The following RAPGEF1 variants were observed in gnomAD, a reference collection of about 807,000 sequenced individuals.
RAPGEF1 encodes the protein CRK SH3-binding GNRP.
Under a neutral mutation model 143.3 loss-of-function variants are expected in RAPGEF1, and 33 were observed. The ratio of observed to expected loss-of-function variants is 0.23; its 90% CI spans 0.17 to 0.31. The LOEUF is 0.31. Ranked by LOEUF, RAPGEF1 falls within the 10% of genes least tolerant of loss-of-function variation. RAPGEF1 has a pLI of 1.00. For missense variants in RAPGEF1, 1,199 were observed against 1,645.4 expected (o/e 0.73, Z 4.69); for synonymous variants, 629 against 676.5 (o/e 0.93, Z 1.09).
chr9:131,691,812 T>C (rs1833801479), intron 1 of RAPGEF1, among the ~76,000 whole-genome samples: 1 of 152,150 alleles, frequency 6.6e-6, no homozygotes, highest in African/African-American at 2.4e-5. Flanking sequence ...TAAATAACAA[T>C]TGTGGGTTTT....
At chr9:131,596,424 G>A (rs979755766) in intron 16 of RAPGEF1, 51 bp from the exon 17 acceptor site, 1 of 1,573,890 alleles carries the variant, frequency 6.4e-7, no homozygotes, top group African/African-American at 1.3e-5. Context: ...GCCCTTCAGA[G>A]AATCAGTTTA....
At chr9:131,661,730 A>C (rs908830580) in intron 1 of RAPGEF1, among the ~76,000 whole-genome samples, 2 of 152,228 alleles carry the variant, frequency 1.3e-5, no homozygotes, top group African/African-American at 4.8e-5. Flanking sequence ...TCCCTAAAAC[A>C]AACAAATGTA....
chr9:131,653,780 C>T lies in RAPGEF1; in HGVS notation c.62-2831G>A, dbSNP rs545594475. ...GAAATTCCACTCCTGGGCAGATTTG[C>T]AAGAGAAATGAAAGCCTAAATCCAT... On this transcript the variant is annotated intron_variant, in intron 1 of 26. Transcript: ENST00000683357. Among the ~76,000 whole-genome samples the T allele has an allele frequency of 1.8e-3, 275 of 152,200 alleles. 4 individuals carry two copies. The highest frequency in any genetic ancestry group is 1.6e-4 in the Non-Finnish European group (11 of 68,024).
chr9:131,670,019 C>T (rs903538433), intron 1 of RAPGEF1, among the ~76,000 whole-genome samples: 7 of 152,298 alleles, frequency 4.6e-5, no homozygotes, highest in Non-Finnish European at 8.8e-5. Context: ...CGCAGGCACT[C>T]AACAGGCCTC....
At chr9:131,659,927 T>C (rs1427806333) in intron 1 of RAPGEF1, among the ~76,000 whole-genome samples, 1 of 152,132 alleles carries the variant, frequency 6.6e-6, no homozygotes, top group Non-Finnish European at 1.5e-5. Context: ...CACGCCATTC[T>C]CCTGCCTCAG....
chr9:131,590,471 C>T (rs777770139), intron 18 of RAPGEF1, among the ~76,000 whole-genome samples: 1 of 152,230 alleles, frequency 6.6e-6, no homozygotes, highest in Non-Finnish European at 1.5e-5. Context: ...CTCCGTGACA[C>T]CGGGCCGGGT....
intron 1 of RAPGEF1, among the ~76,000 whole-genome samples, chr9:131,726,446 G>A (rs1836675034): frequency 6.6e-6 from 1 of 152,040 alleles, no homozygotes; most frequent in African/African-American, 2.4e-5. Flanking sequence ...GGCCAATGTG[G>A]TGAAACCCGT....
chr9:131,739,642 C>G, intron 1 of RAPGEF1, 128 bp downstream of exon 1: 1 of 686,640 alleles, frequency 1.5e-6, no homozygotes, highest in Non-Finnish European at 1.8e-6. Context: ...GGCGAGGCCT[C>G]GGTGGCTTCA....
chr9:131,618,198 G>A (rs981475673), intron 12 of RAPGEF1, among the ~76,000 whole-genome samples: 3 of 152,222 alleles, frequency 2.0e-5, no homozygotes, highest in Non-Finnish European at 4.4e-5. Context: ...GGCCTTGCAC[G>A]CTTCCATTTG....
In RAPGEF1 at chr9:131,578,270, T is replaced by A. The variant is rs1755333233; in HGVS notation, c.*1227A>T. The A allele has an allele frequency of 1.3e-5, 2 of 152,342 alleles. No homozygotes were observed. Among genetic ancestry groups the A allele is most frequent in the African/African-American group, 4.8e-5 (2 of 41,466 alleles). The allele number at this position is 152,342 out of a possible 1,614,324, so 9.4% of individuals were successfully genotyped here. On this transcript the variant is annotated 3_prime_UTR_variant, in exon 27 of 27. Transcript: ENST00000683357. ...AGATTGTCAAGCTCAGCAGCGAGAATGGTTTTGACGAGGAGGATGGAAACA... is the reference window on the plus strand; with the variant it reads ...AGATTGTCAAGCTCAGCAGCGAGAAAGGTTTTGACGAGGAGGATGGAAACA...
chr9:131,630,681 A>G (rs1414893525), intron 5 of RAPGEF1, among the ~76,000 whole-genome samples: 1 of 152,124 alleles, frequency 6.6e-6, no homozygotes, highest in Admixed American at 6.5e-5. Context: ...CTCTGTTCCT[A>G]GTTCTCTAAA....
At chr9:131,586,212 ACGCACACACACACACACACACC>A (rs1952711393) in intron 22 of RAPGEF1, among the ~76,000 whole-genome samples, 21 of 142,304 alleles carry the variant, frequency 1.5e-4, no homozygotes, top group African/African-American at 3.0e-4. Context: ...ACACACACGC[ACGCACACACACACACACACACC>A]TGCAGAGCAA....
chr9:131,689,047 T>G (rs1451840523), intron 1 of RAPGEF1, among the ~76,000 whole-genome samples: 1 of 152,254 alleles, frequency 6.6e-6, no homozygotes, highest in Non-Finnish European at 1.5e-5. Flanking sequence ...ACTCGTTTCA[T>G]CCAAGAGTCA....
rs1176411752 is a variant in RAPGEF1 at position 131,667,062 on chromosome 9, T to C, written c.62-16113A>G. On this transcript the variant is annotated intron_variant, in intron 1 of 26. Coordinates refer to ENST00000683357, the MANE Select transcript of RAPGEF1 (RefSeq NM_001377935.1). The surrounding 1 kb of genome is among the most constrained non-coding windows in gnomAD (Gnocchi z 4.6). ...CGGAGTGCAGTGGCACGAACTCGGC[T>C]CACTGCCATCTCCATCTCACGGGTT... 6.6e-6 allele frequency among the ~76,000 whole-genome samples: 1 copy of C among 152,100 alleles called. No individual in the cohort carries two copies. Among genetic ancestry groups the C allele is most frequent in the Non-Finnish European group, 1.5e-5 (1 of 68,038 alleles).
chr9:131,638,483 G>T (rs1966857759), intron 5 of RAPGEF1, among the ~76,000 whole-genome samples, 152 bp downstream of exon 5: 1 of 152,242 alleles, frequency 6.6e-6, no homozygotes, highest in Admixed American at 6.5e-5. Flanking sequence ...CCTGAGAGAA[G>T]TAAGTAGTTA....
intron 1 of RAPGEF1, among the ~76,000 whole-genome samples, chr9:131,696,897 G>C (rs1325962683): frequency 6.6e-5 from 10 of 152,250 alleles, no homozygotes; most frequent in Middle Eastern, 6.8e-3. Flanking sequence ...GAAATTTATC[G>C]AGGGCTAACT....
chr9:131,593,866 C>A (rs572532842), intron 17 of RAPGEF1, among the ~76,000 whole-genome samples: 2 of 152,362 alleles, frequency 1.3e-5, no homozygotes, highest in South Asian at 2.1e-4. Flanking sequence ...TAGACCCATA[C>A]CTGCTTCTGG....
chr9:131,739,708 G>C (rs1347206609), intron 1 of RAPGEF1, 62 bp downstream of exon 1: 1 of 1,027,448 alleles, frequency 9.7e-7, no homozygotes, highest in Non-Finnish European at 1.2e-6. Flanking sequence ...CTCGGCCCGG[G>C]GAGCGGCGGA....
rs80145700 is a variant in RAPGEF1, at chr9:131,635,497, C to T, written c.651+3138G>A. ...GGTGAGTCAGTGTAAGAACGTCCAA[C>T]GCCCCTCCTCCAAGTGGGCTGACAA... On this transcript the variant is annotated intron_variant, in intron 5 of 26. Coordinates refer to ENST00000683357, the MANE Select transcript of RAPGEF1 (RefSeq NM_001377935.1). Among the ~76,000 whole-genome samples the T allele has an allele frequency of 9.3e-3, 1,415 of 152,270 alleles. 42 individuals are homozygous for T. Among genetic ancestry groups the T allele is most frequent in the Admixed American group, 0.054 (821 of 15,292 alleles).
Sources: gnomAD v4.1 joint callset for allele counts (sites outside exome capture counted in the v4.1 genomes callset) on GRCh38, gnomAD v4.1.1 for gene constraint, Gnocchi (gnomAD v3.1) non-coding constraint, MANE v1.5 for transcripts, NCBI Gene and HGNC (gene_info 2026-07-23, HGNC 2026-07-21) for gene names.